The following USO1 variants were observed in gnomAD, a reference collection of about 807,000 sequenced individuals.
The protein encoded by USO1 is general vesicular transport factor p115.
A neutral mutation model predicts 124.5 loss-of-function variants in USO1; 57 were observed. The observed-to-expected ratio is 0.46, with a 90% confidence interval of 0.37 to 0.57. The LOEUF (loss-of-function observed/expected upper bound fraction) is 0.57. Among genes scored for constraint, USO1 ranks in the 20% least tolerant of loss-of-function variants. USO1 has a pLI of 0.00. For missense variants in USO1, 900 were observed against 1,040.6 expected, an observed-to-expected ratio of 0.86 and a Z score of 1.86; for synonymous variants, 369 against 362.8, an observed-to-expected ratio of 1.02 and a Z score of -0.19.
chr4:75,739,460 C>T (rs1473629113), intron 1 of USO1, among the ~76,000 whole-genome samples: 1 of 151,612 alleles, frequency 6.6e-6, no homozygotes, highest in Non-Finnish European at 1.5e-5. Flanking sequence ...CTTCTTGTTT[C>T]AGTTCTCATG....
chr4:75,812,024 T>C, intron 22 of USO1, 136 bp from the exon 23 acceptor site: 1 of 1,307,152 alleles, frequency 7.7e-7, no homozygotes, highest in South Asian at 1.4e-5. Flanking sequence ...AAACCTCCTG[T>C]ACCCTTAACC....
intron 8 of USO1, among the ~76,000 whole-genome samples, chr4:75,780,348 C>T (rs992276598): frequency 1.3e-5 from 2 of 151,260 alleles, no homozygotes; most frequent in African/African-American, 4.9e-5. Context: ...CTCACTGCCA[C>T]CTCTGCCTCC....
At chr4:75,795,788 C>A (rs1423780752) in intron 13 of USO1, among the ~76,000 whole-genome samples, 2 of 151,654 alleles carry the variant, frequency 1.3e-5, no homozygotes, top group Non-Finnish European at 2.9e-5. Flanking sequence ...TTAAAATGTG[C>A]AATAGTAAGT....
chr4:75,752,329 G>A (rs1326723249), intron 1 of USO1, 44 bp from the exon 2 acceptor site: 17 of 396,810 alleles, frequency 4.3e-5, no homozygotes, highest in Admixed American at 8.8e-5. Context: ...AAAATTTCAC[G>A]GTTTTTTTTA....
intron 4 of USO1, among the ~76,000 whole-genome samples, chr4:75,763,315 C>G (rs1327035304): frequency 6.6e-6 from 1 of 152,170 alleles, no homozygotes; most frequent in Non-Finnish European, 1.5e-5. Flanking sequence ...AATATACATT[C>G]AGTAGAATCT....
intron 10 of USO1, among the ~76,000 whole-genome samples, chr4:75,788,387 C>T (rs1722430393): frequency 6.6e-6 from 1 of 150,830 alleles, no homozygotes; most frequent in Non-Finnish European, 1.5e-5. Flanking sequence ...AAGCTGGTCT[C>T]GAACTCCTGA....
intron 12 of USO1, among the ~76,000 whole-genome samples, chr4:75,791,165 C>T (rs758128971): frequency 2.4e-4 from 36 of 152,170 alleles, no homozygotes; most frequent in Non-Finnish European, 3.7e-4. Context: ...AAAGTACTCA[C>T]GCCAAAACTT....
At chr4:75,788,732 C>A (rs1178105803) in intron 10 of USO1, among the ~76,000 whole-genome samples, 2 of 151,630 alleles carry the variant, frequency 1.3e-5, no homozygotes, top group African/African-American at 4.8e-5. Flanking sequence ...TTAGTAGAGA[C>A]GGGGTTCCAC....
intron 3 of USO1, among the ~76,000 whole-genome samples, chr4:75,755,858 T>C (rs1368817820): frequency 6.6e-6 from 1 of 152,200 alleles, no homozygotes; most frequent in South Asian, 2.1e-4. Flanking sequence ...CCCAGTGTTA[T>C]CACAGGGTCC....
chr4:75,764,867 A>G (rs1197482763), intron 4 of USO1, among the ~76,000 whole-genome samples: 2 of 152,150 alleles, frequency 1.3e-5, no homozygotes, highest in Admixed American at 1.3e-4. Context: ...AAGATTGGCA[A>G]TACCTGGATC....
At chr4:75,811,234 C>T (rs1322728942) in intron 22 of USO1, among the ~76,000 whole-genome samples, 3 of 151,730 alleles carry the variant, frequency 2.0e-5, no homozygotes, top group Non-Finnish European at 4.4e-5. Context: ...CAGCTCACTG[C>T]AGCCTCCACC....
At chr4:75,793,278 A>G (rs1342719505) in intron 12 of USO1, among the ~76,000 whole-genome samples, 2 of 138,056 alleles carry the variant, frequency 1.4e-5, no homozygotes, top group East Asian at 2.1e-4. Flanking sequence ...GGCGCAGTCC[A>G]TAGCTCACTG....
At chr4:75,802,736 CTTTTTT>C (rs997798305) in intron 17 of USO1, among the ~76,000 whole-genome samples, 1 of 63,738 alleles carries the variant, frequency 1.6e-5, no homozygotes, top group Non-Finnish European at 2.7e-5. Context: ...TTTTTCTTTT[CTTTTTT>C]TTTTTTTTTT....
chr4:75,770,998 G>A (rs1401457843), intron 6 of USO1, 74 bp downstream of exon 6: 1 of 1,596,534 alleles, frequency 6.3e-7, no homozygotes, highest in African/African-American at 1.4e-5. Flanking sequence ...GGACTGAAAT[G>A]GTGTGTTAGT....
rs745690825 is a variant in USO1 at position 75,790,665 on chromosome 4, A to G, written c.1108A>G (p.Met370Val). Residue 370 changes from methionine to valine, a missense_variant, in exon 12 of 24, where the codon ATG becomes GTG. By Grantham distance (21) the Met-to-Val change is conservative (BLOSUM62 1). Around this residue, in one of 2 missense-constraint regions of USO1, gnomAD observed 538 missense variants for 681.6 expected, o/e 0.79. Coordinates refer to ENST00000514213, the MANE Select transcript of USO1 (RefSeq NM_003715.4). ...CAGACCGGCAATTGTAGTACTTCTC[A>G]TGTCCATGGTTAATGAAAGGCAGCC... ...PPRPAIVVLLMSMVNERQPFV... is the reference protein window; with the variant it reads ...PPRPAIVVLLVSMVNERQPFV... The G allele has an allele frequency of 4.2e-5, 67 of 1,610,630 alleles. No homozygotes were observed. Among genetic ancestry groups the G allele is most frequent in the Non-Finnish European group, 5.2e-5 (61 of 1,179,028 alleles).
chr4:75,775,664 A>G (rs1722053902), intron 8 of USO1, among the ~76,000 whole-genome samples: 1 of 152,194 alleles, frequency 6.6e-6, no homozygotes, highest in Non-Finnish European at 1.5e-5. Flanking sequence ...AGGTGCAAAT[A>G]TAGAAAAAAA....
At chr4:75,795,211 C>G in intron 13 of USO1, 8 of 650,170 alleles carry the variant, frequency 1.2e-5, no homozygotes, top group East Asian at 5.5e-5. Flanking sequence ...TTAGAACCAT[C>G]CTGTCCCAAA....
At chr4:75,777,763 C>T (rs566671449) in intron 8 of USO1, among the ~76,000 whole-genome samples, 11 of 152,322 alleles carry the variant, frequency 7.2e-5, no homozygotes, top group Admixed American at 2.0e-4. Flanking sequence ...GGTACAACTA[C>T]TTTAGAAAAC....
chr4:75,774,522 C>T (rs139952402), intron 7 of USO1, among the ~76,000 whole-genome samples, 154 bp from the exon 8 acceptor site: 8 of 152,288 alleles, frequency 5.3e-5, no homozygotes, highest in Non-Finnish European at 1.0e-4. Flanking sequence ...AGACAAATTG[C>T]TTAACTATTC....
Sources: allele counts gnomAD v4.1 joint callset (sites outside exome capture counted in the v4.1 genomes callset), GRCh38; gene constraint gnomAD v4.1.1; regional missense constraint gnomAD v4.1.1; transcripts MANE v1.5; gene names NCBI Gene and HGNC (gene_info 2026-07-23, HGNC 2026-07-21).